DCAF8L2: variants seen among roughly 807,000 people sequenced by gnomAD.
DCAF8L2 encodes DDB1 and CUL4 associated factor 8 like 2, also known as DDB1- and CUL4-associated factor 8-like protein 2.
For missense variants in DCAF8L2, 430 were observed against 490.7 expected (o/e 0.88, Z 1.17); for synonymous variants, 200 against 190.9 (o/e 1.05, Z -0.39).
intron 1 of DCAF8L2, among the ~76,000 whole-genome samples, chrX:27,602,559 C>T (rs1247360217): frequency 9.0e-6 from 1 of 111,548 alleles, no homozygotes; most frequent in African/African-American, 3.3e-5. Flanking sequence ...GTCAGCAAGA[C>T]AAGACATGTT....
intron 2 of DCAF8L2, among the ~76,000 whole-genome samples, chrX:27,651,762 C>A (rs5926473): frequency 9.2e-6 from 1 of 108,634 alleles, no homozygotes; most frequent in African/African-American, 3.3e-5. Context: ...CACCCGCCTC[C>A]GCCTCCCAAA....
the DCAF8L2 span, chrX:27,519,475 G>A: frequency 9.2e-7 from 1 of 1,081,455 alleles, no homozygotes; most frequent in African/African-American, 1.8e-5. Flanking sequence ...GGAAGAGGAA[G>A]CTACTGAGTT....
upstream of DCAF8L2, among the ~76,000 whole-genome samples, chrX:27,589,758 T>A: frequency 8.9e-6 from 1 of 112,373 alleles, no homozygotes; most frequent in East Asian, 2.8e-4. Context: ...AATCAAAATG[T>A]CATATATTAA....
chrX:27,701,424 A>G lies in DCAF8L2; in HGVS notation c.-142-14664A>G, dbSNP rs762628699. On this transcript the variant is annotated intron_variant, in intron 3 of 4. Transcript: ENST00000451261. The stretch of plus-strand genomic sequence containing the variant: ...ACTCCACCCAACAAAAGCAGAATAC[A>G]TTCTTCTCAAGCATACACTGAAGGA... 9.9e-5 allele frequency among the ~76,000 whole-genome samples: 11 copies of G among 111,640 alleles called. No individual in the cohort carries two copies. The South Asian group carries it at 4.1e-3, about 41-fold the overall frequency.
chrX:27,568,352 A>G, the DCAF8L2 span, among the ~76,000 whole-genome samples: 3 of 111,398 alleles, frequency 2.7e-5, no homozygotes. Context: ...GATCTGTTTT[A>G]CCTCTGCCCA....
chrX:27,592,948 G>A (rs753756320), intron 1 of DCAF8L2, among the ~76,000 whole-genome samples: 37 of 109,798 alleles, frequency 3.4e-4, no homozygotes, highest in Middle Eastern at 9.3e-3. Context: ...ACAGGTGCCC[G>A]CCACCACACC....
chrX:27,525,932 G>A, the DCAF8L2 span, among the ~76,000 whole-genome samples: 2 of 111,767 alleles, frequency 1.8e-5, no homozygotes, highest in African/African-American at 6.5e-5. Context: ...TGGGTAACCC[G>A]ACCTTTCTCG....
chrX:27,614,985 G>C (rs1250470805), intron 1 of DCAF8L2, among the ~76,000 whole-genome samples: 1 of 111,160 alleles, frequency 9.0e-6, no homozygotes, highest in Non-Finnish European at 1.9e-5. Flanking sequence ...CTTTGAGTTA[G>C]TCCCAGAGCA....
the DCAF8L2 span, among the ~76,000 whole-genome samples, chrX:27,500,825 AT>A: frequency 8.9e-6 from 1 of 111,867 alleles, no homozygotes; most frequent in Non-Finnish European, 1.9e-5. Context: ...GAAGCAAAAG[AT>A]TAATAGACCA....
the DCAF8L2 span, among the ~76,000 whole-genome samples, chrX:27,545,646 A>G: frequency 9.0e-6 from 1 of 111,492 alleles, no homozygotes; most frequent in African/African-American, 3.3e-5. Context: ...GTAAGTTCTC[A>G]TGAGATCTGT....
chrX:27,691,492 T>C (rs1196177798), intron 3 of DCAF8L2, among the ~76,000 whole-genome samples: 6 of 111,426 alleles, frequency 5.4e-5, no homozygotes, highest in Non-Finnish European at 5.7e-5. Context: ...AAAGATGTGG[T>C]TGTATGTAAG....
At chrX:27,718,735 A>G (rs963658931) in intron 4 of DCAF8L2, among the ~76,000 whole-genome samples, 2 of 111,405 alleles carry the variant, frequency 1.8e-5, no homozygotes. Context: ...CTTTCAAACC[A>G]TGACTGAAAC....
intron 1 of DCAF8L2, among the ~76,000 whole-genome samples, chrX:27,609,253 TAATCGAGAAAAGATAC>T (rs1286213136): frequency 7.2e-5 from 8 of 111,536 alleles, no homozygotes; most frequent in African/African-American, 2.6e-4. Context: ...TAAATTTCTT[TAATCGAGAAAAGATAC>T]AAGCTTACCA....
intron 1 of DCAF8L2, among the ~76,000 whole-genome samples, chrX:27,623,049 A>T (rs1326919643): frequency 8.9e-6 from 1 of 112,161 alleles, no homozygotes; most frequent in Non-Finnish European, 1.9e-5. Flanking sequence ...GGAAGTTATA[A>T]ATGTATTTGC....
intron 2 of DCAF8L2, among the ~76,000 whole-genome samples, chrX:27,636,370 A>G (rs772356064): frequency 8.9e-6 from 1 of 112,176 alleles, no homozygotes; most frequent in Admixed American, 9.5e-5. Context: ...CTACAATTGC[A>G]TTTTAAATCA....
At chrX:27,631,153 CT>C (rs990390322) in intron 1 of DCAF8L2, among the ~76,000 whole-genome samples, 7 of 111,620 alleles carry the variant, frequency 6.3e-5, no homozygotes, top group African/African-American at 2.3e-4. Context: ...ATCACATGAT[CT>C]TTTTAATAGG....
At chrX:27,500,342 A>G in the DCAF8L2 span, among the ~76,000 whole-genome samples, 2 of 112,236 alleles carry the variant, frequency 1.8e-5, no homozygotes, top group Non-Finnish European at 3.8e-5. Flanking sequence ...AAAATAGGAA[A>G]GATACAGATC....
intron 2 of DCAF8L2, among the ~76,000 whole-genome samples, chrX:27,666,233 G>A (rs926882839): frequency 6.3e-5 from 7 of 111,960 alleles, no homozygotes; most frequent in African/African-American, 2.3e-4. Context: ...CTTAAATTGT[G>A]TGCAACCTCT....
At chrX:27,553,987 T>C in the DCAF8L2 span, among the ~76,000 whole-genome samples, 4 of 111,901 alleles carry the variant, frequency 3.6e-5, no homozygotes, top group African/African-American at 9.7e-5. Flanking sequence ...AGGGAAATAG[T>C]CATTATAAGG....
Sources: gnomAD v4.1 joint callset for allele counts (sites outside exome capture counted in the v4.1 genomes callset) on GRCh38, gnomAD v4.1.1 for gene constraint, MANE v1.5 for transcripts, NCBI Gene and HGNC (gene_info 2026-07-23, HGNC 2026-07-21) for gene names.